Variants in KIF1A observed in about 807,000 individuals in gnomAD.
KIF1A encodes kinesin family member 1A.
KIF1A carries 46 observed loss-of-function variants against 227.3 expected under a neutral mutation model. That is an observed-to-expected ratio of 0.20 (90% CI 0.16 to 0.26). The LOEUF (loss-of-function observed/expected upper bound fraction) is 0.26, where lower values mean the gene tolerates loss of function less well. Among genes scored for constraint, KIF1A ranks in the 10% least tolerant of loss-of-function variants. KIF1A has a pLI of 1.00. For synonymous variants in KIF1A, 1,022 were observed against 1,012.8 expected, an observed-to-expected ratio of 1.01 and a Z score of -0.17; for missense variants, 1,683 against 2,485.9, an observed-to-expected ratio of 0.68 and a Z score of 6.87.
Position 240,721,018 on chromosome 2 carries a change from G to A in KIF1A, c.4764C>T (p.Thr1588=), listed in dbSNP as rs749024063. 4 of 1,611,908 alleles carry A rather than the reference G, an allele frequency of 2.5e-6. No individual in the cohort carries two copies. The highest frequency in any genetic ancestry group is 3.4e-6 in the Non-Finnish European group (4 of 1,179,534). Residue 1588 remains threonine (T), a synonymous_variant, in exon 45 of 49, where the codon ACC becomes ACT. Transcript: ENST00000498729. Reference sequence around the variant, plus strand: ...GGGACATCGACGGGTCCCGGAGCAGGGTGACAGACATCTCGGAGAGCTGCG... The same window carrying A: ...GGGACATCGACGGGTCCCGGAGCAGAGTGACAGACATCTCGGAGAGCTGCG... The part of the protein sequence containing the change: ...SESKLSEMSV[T]LLRDPSMSPL...
intron 45 of KIF1A, 165 bp downstream of exon 45, chr2:240,720,749 G>T: frequency 1.3e-6 from 1 of 743,888 alleles, no homozygotes; most frequent in Non-Finnish European, 2.1e-6. Context: ...CCTCTGAGAG[G>T]GCTGCGGACT....
intron 38 of KIF1A, chr2:240,734,643 G>A (rs998385787): frequency 2.7e-6 from 3 of 1,107,704 alleles, no homozygotes; most frequent in African/African-American, 3.2e-5. Context: ...GGCATGGGGG[G>A]CGGTCAGGGG....
intron 1 of KIF1A, chr2:240,798,129 C>T (rs774471571): frequency 1.9e-4 from 38 of 196,610 alleles, no homozygotes; most frequent in Non-Finnish European, 3.1e-4. Flanking sequence ...AAGGGTCTTC[C>T]CCTGTGGATG....
intron 13 of KIF1A, 99 bp downstream of exon 13, chr2:240,773,015 C>T: frequency 7.5e-7 from 1 of 1,333,764 alleles, no homozygotes; most frequent in East Asian, 2.5e-5. Context: ...GTGCAGCCAG[C>T]AAAGTGGTGG....
chr2:240,726,232 C>T lies in KIF1A; in HGVS notation c.4122+594G>A, dbSNP rs2045983095. 6.6e-6 allele frequency among the ~76,000 whole-genome samples: 1 copy of T among 152,228 alleles called. No homozygotes were observed. The highest frequency in any genetic ancestry group is 1.5e-5 in the Non-Finnish European group (1 of 68,034). On this transcript the variant is annotated intron_variant, in intron 39 of 48. Transcript: ENST00000498729. The surrounding 1 kb of genome is among the most constrained non-coding windows in gnomAD (Gnocchi z 5.2). ...TTTTGTGCTGCCCGGAATGCAGACA[C>T]AATGTCTGGTGGTGCTGCAGCCATC...
Position 240,740,958 on chromosome 2 carries a change from G to A in KIF1A, c.3749+311C>T, listed in dbSNP as rs986664656. Among the ~76,000 whole-genome samples, 2 of 151,722 alleles carry A rather than the reference G, an allele frequency of 1.3e-5. No homozygotes were observed. Among genetic ancestry groups the A allele is most frequent in the Non-Finnish European group, 2.9e-5 (2 of 67,884 alleles). On this transcript the variant is annotated intron_variant, in intron 35 of 48. Coordinates refer to ENST00000498729, the MANE Select transcript of KIF1A (RefSeq NM_001244008.2). This position sits in a 1 kb window ranked among gnomAD's most constrained non-coding sequence, Gnocchi z 6.1. Reference sequence around the variant, plus strand: ...GTCCCTTGATCACTTTGTAAGTGCTGTCTGCCTCCCTGCCCTGCCCCTGAG... The same window carrying A: ...GTCCCTTGATCACTTTGTAAGTGCTATCTGCCTCCCTGCCCTGCCCCTGAG...
At chr2:240,756,654 T>C (rs1424607529) in intron 27 of KIF1A, among the ~76,000 whole-genome samples, 1 of 152,164 alleles carries the variant, frequency 6.6e-6, no homozygotes, top group Non-Finnish European at 1.5e-5. Flanking sequence ...TAGACAGGCA[T>C]GTTTTGCCCA....
rs1023187222 is a variant in KIF1A at position 240,788,772 on chromosome 2, T to A, written c.183+464A>T. 6.6e-6 allele frequency among the ~76,000 whole-genome samples: 1 copy of A among 151,876 alleles called. No homozygotes were observed. The highest frequency in any genetic ancestry group is 1.5e-5 in the Non-Finnish European group (1 of 67,948). Reference sequence around the variant, plus strand: ...GGGCAGGTGCTCAGAGATATAGATATGAGGGGCTTAGATGAGGAGGCTGCA... The same window carrying A: ...GGGCAGGTGCTCAGAGATATAGATAAGAGGGGCTTAGATGAGGAGGCTGCA... On this transcript the variant is annotated intron_variant, in intron 3 of 48. Coordinates refer to ENST00000498729, the MANE Select transcript of KIF1A (RefSeq NM_001244008.2). This position sits in a 1 kb window ranked among gnomAD's most constrained non-coding sequence, Gnocchi z 6.6.
At chr2:240,749,775 C>T (rs2049008586) in intron 28 of KIF1A, among the ~76,000 whole-genome samples, 1 of 152,222 alleles carries the variant, frequency 6.6e-6, no homozygotes, top group African/African-American at 2.4e-5. Context: ...CTCTGGCCAT[C>T]CGGAGCAGGC....
chr2:240,774,330 T>C, intron 11 of KIF1A, 69 bp from the exon 12 acceptor site: 4 of 1,009,528 alleles, frequency 4.0e-6, no homozygotes, highest in Non-Finnish European at 3.1e-6. Flanking sequence ...GCTCCCCCCT[T>C]CCCCCCACAT....
At chr2:240,738,256 G>A (rs1361505370) in intron 37 of KIF1A, among the ~76,000 whole-genome samples, 2 of 152,222 alleles carry the variant, frequency 1.3e-5, no homozygotes, top group Non-Finnish European at 2.9e-5. Flanking sequence ...TGAGCCCGCT[G>A]GTCTGGACAG....
At chr2:240,817,417 G>A (rs1377794629) in intron 1 of KIF1A, among the ~76,000 whole-genome samples, 2 of 152,122 alleles carry the variant, frequency 1.3e-5, no homozygotes, top group Admixed American at 1.3e-4. Flanking sequence ...ACCTAGAGAG[G>A]TCCCCAGACT....
intron 10 of KIF1A, among the ~76,000 whole-genome samples, chr2:240,776,949 T>A (rs1192568822): frequency 6.6e-6 from 1 of 152,252 alleles, no homozygotes; most frequent in Non-Finnish European, 1.5e-5. Context: ...AGGGTGTCCA[T>A]CTCGCAGCTC....
intron 38 of KIF1A, chr2:240,728,390 T>C: frequency 7.7e-7 from 1 of 1,301,646 alleles, no homozygotes; most frequent in Non-Finnish European, 1.0e-6. Context: ...GAGCTGTACC[T>C]AGTGTCATTT....
chr2:240,817,188 G>C lies in KIF1A; in HGVS notation c.-61+2934C>G, dbSNP rs189339661. On this transcript the variant is annotated intron_variant, in intron 1 of 48. Coordinates refer to ENST00000498729, the MANE Select transcript of KIF1A (RefSeq NM_001244008.2). ...CTAAGGGGCAGAAGCCGGCAAGGACGCAGGCCCAACGCTGCCTGGCTGTGT... is the reference window on the plus strand; with the variant it reads ...CTAAGGGGCAGAAGCCGGCAAGGACCCAGGCCCAACGCTGCCTGGCTGTGT... 1.3e-3 allele frequency among the ~76,000 whole-genome samples: 205 copies of C among 152,324 alleles called. 1 individual carries two copies. Among genetic ancestry groups the C allele is most frequent in the African/African-American group, 4.6e-3 (191 of 41,572 alleles).
chr2:240,742,688 G>A (rs1330278332), intron 34 of KIF1A, among the ~76,000 whole-genome samples: 4 of 152,138 alleles, frequency 2.6e-5, no homozygotes, highest in Admixed American at 6.5e-5. Context: ...CCCTCTTGCT[G>A]CCTTCCTTCC....
intron 1 of KIF1A, among the ~76,000 whole-genome samples, chr2:240,812,424 G>A (rs1054949959): frequency 5.3e-5 from 8 of 152,210 alleles, no homozygotes; most frequent in South Asian, 2.1e-4. Flanking sequence ...ACAGGCATCC[G>A]CCTGGAGCCC....
At chr2:240,806,336 T>A (rs1052158309) in intron 1 of KIF1A, among the ~76,000 whole-genome samples, 1 of 152,240 alleles carries the variant, frequency 6.6e-6, no homozygotes, top group Non-Finnish European at 1.5e-5. Context: ...AGTCCATTCC[T>A]GGATAATCCA....
chr2:240,748,408 C>T (rs962119010), intron 28 of KIF1A, among the ~76,000 whole-genome samples: 7 of 152,186 alleles, frequency 4.6e-5, no homozygotes, highest in Admixed American at 4.6e-4. Flanking sequence ...CGGCAGCTGC[C>T]CTCACAAGGA....
Sources: allele counts gnomAD v4.1 joint callset (sites outside exome capture counted in the v4.1 genomes callset), GRCh38; gene constraint gnomAD v4.1.1; non-coding constraint Gnocchi (gnomAD v3.1); transcripts MANE v1.5; gene names NCBI Gene and HGNC (gene_info 2026-07-23, HGNC 2026-07-21).